The following PDE4B variants were observed in gnomAD, a reference collection of about 807,000 sequenced individuals.
PDE4B encodes the protein 3',5'-cyclic-AMP phosphodiesterase 4B.
In PDE4B, 20 loss-of-function variants were observed where a neutral mutation model predicts 82.2. The ratio of observed to expected loss-of-function variants is 0.24; its 90% CI spans 0.17 to 0.35. The LOEUF is 0.35. Ranked by LOEUF, PDE4B falls within the 10% of genes least tolerant of loss-of-function variation. The pLI, the probability that PDE4B is intolerant of heterozygous loss-of-function variation, is 1.00. For missense variants in PDE4B, 655 were observed against 907.2 expected (o/e 0.72, Z 3.57); for synonymous variants, 320 against 318.9 (o/e 1.00, Z -0.04).
chr1:66,309,012 G>A (rs187756652), intron 7 of PDE4B, among the ~76,000 whole-genome samples: 1 of 152,234 alleles, frequency 6.6e-6, no homozygotes, highest in Admixed American at 6.5e-5. Context: ...TCAGGAAAGA[G>A]GCTAGGATTC....
Position 65,863,807 on chromosome 1 carries a change from C to G in PDE4B, c.-70-49438C>G, listed in dbSNP as rs192234928. On this transcript the variant is annotated intron_variant, in intron 1 of 16. Transcript: ENST00000341517. Reference sequence around the variant, plus strand: ...CTTTGTCAGTTAAAGTCTGTTTTATCAGAGACTAGGATTGCAACCCCTGCT... The same window carrying G: ...CTTTGTCAGTTAAAGTCTGTTTTATGAGAGACTAGGATTGCAACCCCTGCT... 1.9e-3 allele frequency among the ~76,000 whole-genome samples: 288 copies of G among 152,242 alleles called. 1 individual carries two copies. Among genetic ancestry groups the G allele is most frequent in the African/African-American group, 6.8e-3 (281 of 41,534 alleles).
intron 3 of PDE4B, among the ~76,000 whole-genome samples, chr1:66,112,366 G>A (rs981068499): frequency 6.6e-6 from 1 of 152,204 alleles, no homozygotes; most frequent in Non-Finnish European, 1.5e-5. Flanking sequence ...CCTCACCCCA[G>A]ACTATAATGA....
rs572425440 is a variant in PDE4B, at chr1:66,091,186, C to T, written c.282-156274C>T. On this transcript the variant is annotated intron_variant, in intron 3 of 16. Coordinates refer to ENST00000341517, the MANE Select transcript of PDE4B (RefSeq NM_002600.4). ...ACACCCTAGGTTTAAAAAAAAGTGA[C>T]CGTAACTTCGTAATTTTATTTTCCT... is the stretch of plus-strand genomic sequence containing the variant. Among the ~76,000 whole-genome samples the T allele has an allele frequency of 1.4e-3, 211 of 152,056 alleles. 1 individual carries two copies. In the Middle Eastern group the frequency reaches 0.017, roughly 12 times the overall value.
In PDE4B at chr1:65,850,771, A is replaced by G. The variant is rs377066581; in HGVS notation, c.-71+57523A>G. On this transcript the variant is annotated intron_variant, in intron 1 of 16. Coordinates refer to ENST00000341517, the MANE Select transcript of PDE4B (RefSeq NM_002600.4). The stretch of plus-strand genomic sequence containing the variant: ...CCCTCAGTCTGTATCTTGCCTTTGC[A>G]TTTTGTTCACAATGAGTTTCAAAGA... Among the ~76,000 whole-genome samples, 3 of 152,312 alleles carry G rather than the reference A, an allele frequency of 2.0e-5. No individual in the cohort carries two copies. In the East Asian group the frequency reaches 5.8e-4, roughly 29 times the overall value.
At chr1:65,834,960 C>T (rs999362174) in intron 1 of PDE4B, among the ~76,000 whole-genome samples, 2 of 152,108 alleles carry the variant, frequency 1.3e-5, no homozygotes, top group African/African-American at 2.4e-5. Flanking sequence ...AAATATTTAC[C>T]AGCACACCAC....
At chr1:66,015,877 G>A (rs1652747216) in intron 3 of PDE4B, among the ~76,000 whole-genome samples, 2 of 152,138 alleles carry the variant, frequency 1.3e-5, no homozygotes, top group South Asian at 2.1e-4. Context: ...GTTGGTTCAC[G>A]TTATCAATTA....
chr1:65,918,944 A>G, intron 3 of PDE4B, 109 bp downstream of exon 3: 1 of 700,002 alleles, frequency 1.4e-6, no homozygotes, highest in Non-Finnish European at 2.5e-6. Flanking sequence ...ACCTAAGATG[A>G]TTGACATTTT....
chr1:66,069,266 C>A (rs926988978), intron 3 of PDE4B, among the ~76,000 whole-genome samples: 2 of 151,930 alleles, frequency 1.3e-5, no homozygotes, highest in Non-Finnish European at 2.9e-5. Flanking sequence ...GAAAGCATGT[C>A]TTTCTCTGAG....
At chr1:66,008,271 G>A (rs772613333) in intron 3 of PDE4B, among the ~76,000 whole-genome samples, 2 of 152,104 alleles carry the variant, frequency 1.3e-5, no homozygotes, top group East Asian at 1.9e-4. Context: ...GAACATAGAC[G>A]ATGGGCTGAA....
intron 1 of PDE4B, among the ~76,000 whole-genome samples, chr1:65,878,142 A>G (rs1434208483): frequency 1.3e-5 from 2 of 152,224 alleles, no homozygotes; most frequent in Non-Finnish European, 1.5e-5. Context: ...GCTCATTATC[A>G]TTGGTCATTA....
At chr1:66,107,638 A>G (rs1294762505) in intron 3 of PDE4B, among the ~76,000 whole-genome samples, 1 of 152,020 alleles carries the variant, frequency 6.6e-6, no homozygotes, top group African/African-American at 2.4e-5. Flanking sequence ...ATGCAGATAT[A>G]TTCACTTCAA....
chr1:66,230,994 A>G, intron 3 of PDE4B, among the ~76,000 whole-genome samples: 1 of 150,000 alleles, frequency 6.7e-6, no homozygotes, highest in East Asian at 2.0e-4. Flanking sequence ...AGATTGCACC[A>G]CTGCACTCCA....
intron 3 of PDE4B, among the ~76,000 whole-genome samples, chr1:66,176,077 T>G (rs1423968561): frequency 2.0e-5 from 3 of 152,212 alleles, no homozygotes; most frequent in Non-Finnish European, 4.4e-5. Context: ...GACCTAAAAT[T>G]GACCTGAGAG....
intron 3 of PDE4B, among the ~76,000 whole-genome samples, chr1:65,951,791 C>G (rs1438480057): frequency 6.6e-6 from 1 of 152,098 alleles, no homozygotes. Context: ...TCCCAATGTT[C>G]TTCCTCCTAC....
intron 3 of PDE4B, among the ~76,000 whole-genome samples, chr1:66,013,870 C>T (rs1652625766): frequency 1.3e-5 from 2 of 152,106 alleles, no homozygotes; most frequent in Non-Finnish European, 2.9e-5. Flanking sequence ...ATTTCCCATA[C>T]GGTTCTCCAT....
intron 1 of PDE4B, among the ~76,000 whole-genome samples, chr1:65,844,038 T>C (rs923339130): frequency 1.7e-4 from 26 of 152,192 alleles, no homozygotes; most frequent in African/African-American, 6.3e-4. Context: ...TTTTACTTTC[T>C]GTTTGACCTT....
chr1:66,172,709 G>A (rs181338923), intron 3 of PDE4B, among the ~76,000 whole-genome samples: 2 of 152,104 alleles, frequency 1.3e-5, no homozygotes, highest in African/African-American at 4.8e-5. Flanking sequence ...TAGTGATGTT[G>A]AGAAATTTTT....
intron 3 of PDE4B, among the ~76,000 whole-genome samples, chr1:65,971,203 C>T (rs550885958): frequency 1.3e-5 from 2 of 151,790 alleles, no homozygotes; most frequent in African/African-American, 4.8e-5. Context: ...GCTTAATTTG[C>T]CAGTGACTAG....
intron 3 of PDE4B, among the ~76,000 whole-genome samples, chr1:66,113,452 G>A (rs1442507781): frequency 6.6e-6 from 1 of 151,926 alleles, no homozygotes; most frequent in Non-Finnish European, 1.5e-5. Context: ...ACAAGATCTT[G>A]TTATTTTCAT....
Sources: gnomAD v4.1 joint callset for allele counts (sites outside exome capture counted in the v4.1 genomes callset) on GRCh38, gnomAD v4.1.1 for gene constraint, MANE v1.5 for transcripts, NCBI Gene and HGNC (gene_info 2026-07-23, HGNC 2026-07-21) for gene names.